The following GPSM2 variants were observed in gnomAD, a reference collection of about 807,000 sequenced individuals.
GPSM2 encodes the protein G protein-signaling modulator 2.
GPSM2 carries 58 observed loss-of-function variants against 78.4 expected under a neutral mutation model. The observed-to-expected ratio is 0.74, with a 90% CI of 0.60 to 0.92. The LOEUF is 0.92. Ranked by LOEUF, GPSM2 falls within the 40% of genes least tolerant of loss-of-function variation. The pLI is 0.00. For synonymous variants in GPSM2, 224 were observed against 280.2 expected (o/e 0.80, Z 2.00); for missense variants, 700 against 815.5 (o/e 0.86, Z 1.73).
chr1:108,919,180 G>C (rs1253180744), intron 12 of GPSM2, among the ~76,000 whole-genome samples: 1 of 151,986 alleles, frequency 6.6e-6, no homozygotes, highest in Non-Finnish European at 1.5e-5. Context: ...GCTAATTTTT[G>C]TATTTTCAGT....
intron 1 of GPSM2, chr1:108,877,878 GAGCATTTGAACTAGT>G (rs1299591623): frequency 3.3e-5 from 5 of 152,198 alleles, no homozygotes; most frequent in Non-Finnish European, 5.9e-5. Context: ...TAACCAGTTA[GAGCATTTGAACTAGT>G]AGCATTTGAA....
intron 14 of GPSM2, among the ~76,000 whole-genome samples, chr1:108,925,785 G>A (rs78564174): frequency 6.4e-4 from 97 of 152,116 alleles, no homozygotes; most frequent in African/African-American, 2.2e-3. Flanking sequence ...TGGGTTAAAT[G>A]GACCATTAGC....
chr1:108,898,684 A>T lies in GPSM2; in HGVS notation c.600A>T (p.Ala200=), dbSNP rs1470358662. The T allele has an allele frequency of 6.2e-7, 1 of 1,613,890 alleles. No individual in the cohort carries two copies. The highest frequency in any genetic ancestry group is 2.2e-5 in the East Asian group (1 of 44,872). ...SLVTALGDRA[A]QGRAFGNLGN... ...TGACTGCTTTGGGTGACCGAGCGGC[A>T]CAAGGACGTGCCTTTGGAAATCTTG... The change falls in exon 6 of 15, where the codon GCA becomes GCT. Residue 200 remains alanine, a synonymous_variant. Transcript: ENST00000264126.
At chr1:108,892,854 A>G (rs1221309272) in intron 2 of GPSM2, among the ~76,000 whole-genome samples, 1 of 152,206 alleles carries the variant, frequency 6.6e-6, no homozygotes, top group Non-Finnish European at 1.5e-5. Flanking sequence ...TTTCTAATAA[A>G]ATACACCAGA....
Position 108,898,893 on chromosome 1 carries a change from A to C in GPSM2, c.696A>C (p.Ala232=), listed in dbSNP as rs1648577980. ...GTTTGTTTCAGCGTCTCCTTATTGC[A>C]AAAGAATTTGGAGATAAAGCAGCTG... is the stretch of plus-strand genomic sequence containing the variant. The part of the protein sequence containing the change: ...VIAHEQRLLI[A]KEFGDKAAER... Residue 232 remains alanine, a synonymous_variant, in exon 7 of 15, where the codon GCA becomes GCC. Coordinates refer to ENST00000264126, the MANE Select transcript of GPSM2 (RefSeq NM_013296.5). The C allele has an allele frequency of 6.2e-7, 1 of 1,611,570 alleles. No homozygotes were observed. The highest frequency in any genetic ancestry group is 8.5e-7 in the Non-Finnish European group (1 of 1,177,640).
intron 10 of GPSM2, among the ~76,000 whole-genome samples, chr1:108,913,947 C>A (rs1329580392): frequency 1.3e-5 from 2 of 152,070 alleles, no homozygotes; most frequent in Admixed American, 1.3e-4. Context: ...TATTTTGATT[C>A]TTTTCACGCA....
Position 108,930,022 on chromosome 1 carries a change from G to A in GPSM2, c.*82G>A. 8.2e-7 allele frequency: 1 copy of A among 1,217,224 alleles called. No homozygotes were observed. Among genetic ancestry groups the A allele is most frequent in the Admixed American group, 1.8e-5 (1 of 56,030 alleles). 75.4% of individuals were successfully genotyped at this position (1,217,224 alleles called of 1,614,324 possible). A position where few individuals can be genotyped will look rare whatever the true frequency, so the allele number is the denominator to read the frequency against. On this transcript the variant is annotated 3_prime_UTR_variant, in exon 15 of 15. Coordinates refer to ENST00000264126, the MANE Select transcript of GPSM2 (RefSeq NM_013296.5). ...TTTTTCCTTAAAAGGAGAATTTATA[G>A]CACTGTAATACAGCTTAAAATATTT...
At position 108,880,579 on chromosome 1, in the gene GPSM2, C is replaced by CAA. The variant is rs56323759; in HGVS notation, c.-249+3364_-249+3365dup. ...TGGGCGACAGAGTGAGACTCCGTCTCAAAAAAAAAAAAAACAATGCTTAGT... is the reference window on the plus strand; with the variant it reads ...TGGGCGACAGAGTGAGACTCCGTCTCAAAAAAAAAAAAAAAACAATGCTTAGT... On this transcript the variant is annotated intron_variant, in intron 1 of 14. Coordinates refer to ENST00000264126, the MANE Select transcript of GPSM2 (RefSeq NM_013296.5). Among the ~76,000 whole-genome samples, 869 of 119,922 alleles carry CAA rather than the reference C, an allele frequency of 7.2e-3. 14 individuals are homozygous for CAA. Among genetic ancestry groups the CAA allele is most frequent in the African/African-American group, 0.024 (765 of 31,390 alleles). 78.7% of individuals were successfully genotyped at this position (119,922 alleles called of 152,430 possible). A position where few individuals can be genotyped will look rare whatever the true frequency, so the allele number is the denominator to read the frequency against.
chr1:108,922,293 CA>C, intron 12 of GPSM2, 123 bp from the exon 13 acceptor site: 2 of 716,586 alleles, frequency 2.8e-6, no homozygotes, highest in Non-Finnish European at 4.8e-6. Context: ...TATTCTTTTT[CA>C]AAATGTCAAT....
At chr1:108,896,834 T>A (rs978675671) in intron 2 of GPSM2, 30 bp from the exon 3 acceptor site, 1 of 1,480,228 alleles carries the variant, frequency 6.8e-7, no homozygotes, top group Non-Finnish European at 9.5e-7. Flanking sequence ...TAATGTTATG[T>A]TTAAATGTCT....
chr1:108,904,448 TTATAA>T (rs1038635891), intron 10 of GPSM2, among the ~76,000 whole-genome samples, 194 bp downstream of exon 10: 20 of 148,292 alleles, frequency 1.3e-4, no homozygotes, highest in South Asian at 2.1e-4. Context: ...ATATATATAA[TTATAA>T]TATATAATTT....
At position 108,929,701 on chromosome 1, in the gene GPSM2, G is replaced by A. The variant is rs1012458908; in HGVS notation, c.1816G>A (p.Gly606Arg). The A allele has an allele frequency of 3.7e-6, 6 of 1,612,956 alleles. No homozygotes were observed. Among genetic ancestry groups the A allele is most frequent in the South Asian group, 2.2e-5 (2 of 91,060 alleles). ...TTTAATCTCTCTCATAAACTTCTAG[G>A]GATCCAGATTAGATGATCAAAGATG... Reference protein sequence around the residue: ...DFFDILVKCQGSRLDDQRCAP... With the variant: ...DFFDILVKCQRSRLDDQRCAP... Residue 606 changes from glycine (G) to arginine (R), a missense_variant and splice_region_variant, in exon 15 of 15, where the codon GGA (glycine) becomes AGA (arginine). Gly to Arg is a moderately radical substitution (Grantham distance 125, BLOSUM62 -2). Coordinates refer to ENST00000264126, the MANE Select transcript of GPSM2 (RefSeq NM_013296.5).
rs566096772 is a variant in GPSM2 at position 108,931,736 on chromosome 1, T to C, written c.*1796T>C. On this transcript the variant is annotated 3_prime_UTR_variant, in exon 15 of 15. Coordinates refer to ENST00000264126, the MANE Select transcript of GPSM2 (RefSeq NM_013296.5). ...ATTTTAAAAACTCAGGTAAGTTTCA[T>C]GGGGTTCTTATAAGAAAATTCAGTT... 1 of 338,042 alleles carries C rather than the reference T, an allele frequency of 3.0e-6. No homozygotes were observed. Among genetic ancestry groups the C allele is most frequent in the Admixed American group, 4.9e-5 (1 of 20,608 alleles). The allele number at this position is 338,042 out of a possible 1,614,324, so 20.9% of individuals were successfully genotyped here. A position where few individuals can be genotyped will look rare whatever the true frequency, so the allele number is the denominator to read the frequency against.
chr1:108,895,049 G>T (rs1407205546), intron 2 of GPSM2, among the ~76,000 whole-genome samples: 1 of 152,162 alleles, frequency 6.6e-6, no homozygotes, highest in Non-Finnish European at 1.5e-5. Flanking sequence ...ATATTAGGGT[G>T]GGTGGTGGTT....
chr1:108,891,664 A>ATT (rs58295802), intron 2 of GPSM2, among the ~76,000 whole-genome samples: 11,030 of 117,044 alleles, frequency 0.094, 683 homozygotes, highest in African/African-American at 0.15. Context: ...CAGCCAGCTA[A>ATT]TTTTTTTTTT....
chr1:108,886,037 A>G (rs6692517), intron 2 of GPSM2, among the ~76,000 whole-genome samples: 1 of 150,534 alleles, frequency 6.6e-6, no homozygotes, highest in Non-Finnish European at 1.5e-5. Flanking sequence ...CTTTTTTTGT[A>G]TATTTTTTAT....
Position 108,901,933 on chromosome 1 carries a change from A to G in GPSM2, c.941A>G (p.Glu314Gly), listed in dbSNP as rs1326656942. The change falls in exon 8 of 15, where the codon GAG (glutamate) becomes GGG (glycine). Residue 314 changes from glutamate to glycine, a missense_variant. By Grantham distance (98) the Glu-to-Gly change is moderately conservative (BLOSUM62 -2). Transcript: ENST00000264126. ...CTGAAGCACTTAGCAATTGCTCAAG[A>G]GCTGAATGATAGGTATGTTTTACGT... Reference protein sequence around the residue: ...YHLKHLAIAQELNDRIGEGRA... With the variant: ...YHLKHLAIAQGLNDRIGEGRA... 3.1e-6 allele frequency: 5 copies of G among 1,608,816 alleles called. No homozygotes were observed. The African/African-American group carries it at 6.7e-5, about 21-fold the overall frequency.
rs1651987858 is a variant in GPSM2, at chr1:108,931,625, A to G, written c.*1685A>G. On this transcript the variant is annotated 3_prime_UTR_variant, in exon 15 of 15. Coordinates refer to ENST00000264126, the MANE Select transcript of GPSM2 (RefSeq NM_013296.5). ...CTGGAATTAATTACATTAAGTGCTC[A>G]GCTAAAAAAAAAAAAAAAGTTCTAA... 5.4e-6 allele frequency: 6 copies of G among 1,115,676 alleles called. No homozygotes were observed. In the East Asian group the frequency reaches 1.7e-4, roughly 31 times the overall value. 69.1% of individuals were successfully genotyped at this position (1,115,676 alleles called of 1,614,324 possible).
intron 6 of GPSM2, 54 bp downstream of exon 6, chr1:108,898,819 G>A: frequency 6.2e-7 from 1 of 1,603,264 alleles, no homozygotes; most frequent in East Asian, 2.2e-5. Flanking sequence ...GTTCTGAACA[G>A]TGATTAGATC....
Sources: gnomAD v4.1 joint callset for allele counts (sites outside exome capture counted in the v4.1 genomes callset) on GRCh38, gnomAD v4.1.1 for gene constraint, MANE v1.5 for transcripts, NCBI Gene and HGNC (gene_info 2026-07-23, HGNC 2026-07-21) for gene names.